Variants in TMTC1 observed in about 807,000 individuals in gnomAD.
TMTC1 encodes transmembrane O-mannosyltransferase targeting cadherins 1, also known as protein O-mannosyl-transferase TMTC1.
In TMTC1, 73 loss-of-function variants were observed where a neutral mutation model predicts 104.8. The observed-to-expected ratio is 0.70, with a 90% CI of 0.58 to 0.85. TMTC1 has a LOEUF of 0.85. Among genes scored for constraint, TMTC1 ranks in the 40% least tolerant of loss-of-function variants. TMTC1 has a pLI of 0.00. For missense variants in TMTC1, 1,035 were observed against 1,096.1 expected, an observed-to-expected ratio of 0.94 and a Z score of 0.79; for synonymous variants, 434 against 428.7, an observed-to-expected ratio of 1.01 and a Z score of -0.15.
intron 17 of TMTC1, among the ~76,000 whole-genome samples, chr12:29,511,830 T>G (rs1343387644): frequency 6.6e-6 from 1 of 152,212 alleles, no homozygotes; most frequent in Admixed American, 6.5e-5. Context: ...TTATACAGAT[T>G]TATTTTTAAA....
intron 5 of TMTC1, chr12:29,660,743 G>C (rs1939979199): frequency 2.3e-5 from 13 of 560,592 alleles, no homozygotes; most frequent in Admixed American, 8.8e-5. Context: ...AGCTGAGATA[G>C]AGTGGAAACA....
chr12:29,590,370 C>T (rs992813642), intron 7 of TMTC1, among the ~76,000 whole-genome samples: 3 of 152,180 alleles, frequency 2.0e-5, no homozygotes, highest in Non-Finnish European at 4.4e-5. Flanking sequence ...GACACTATAA[C>T]CCACACCCTG....
intron 7 of TMTC1, among the ~76,000 whole-genome samples, chr12:29,603,913 C>T (rs1232771524): frequency 6.6e-6 from 1 of 152,178 alleles, no homozygotes; most frequent in Non-Finnish European, 1.5e-5. Flanking sequence ...ATGATTACTA[C>T]TAAAATCCTG....
intron 5 of TMTC1, among the ~76,000 whole-genome samples, chr12:29,669,063 C>A (rs1940402116): frequency 6.6e-6 from 1 of 152,090 alleles, no homozygotes; most frequent in Admixed American, 6.5e-5. Context: ...GCCTGTCCCA[C>A]AGAGAGAAGC....
chr12:29,777,539 C>T (rs1376775171), intron 1 of TMTC1, among the ~76,000 whole-genome samples: 2 of 152,098 alleles, frequency 1.3e-5, no homozygotes, highest in African/African-American at 2.4e-5. Flanking sequence ...TTCAGGGACT[C>T]ACCTATAAAA....
intron 5 of TMTC1, among the ~76,000 whole-genome samples, chr12:29,646,775 A>G (rs896580166): frequency 3.9e-5 from 6 of 152,194 alleles, no homozygotes; most frequent in South Asian, 2.1e-4. Context: ...TCCCCGGCAG[A>G]GAACTCTTCA....
chr12:29,534,381 C>A (rs1173644936), intron 11 of TMTC1: 1 of 152,212 alleles, frequency 6.6e-6, no homozygotes, highest in African/African-American at 2.4e-5. Context: ...TATCTCACAT[C>A]ATTTTACATT....
chr12:29,644,218 T>G (rs577676732), intron 5 of TMTC1, among the ~76,000 whole-genome samples: 1 of 147,786 alleles, frequency 6.8e-6, no homozygotes, highest in Non-Finnish European at 1.5e-5. Flanking sequence ...TGCAGTGACC[T>G]GGATGGGACT....
At chr12:29,735,040 C>T (rs758144936) in intron 5 of TMTC1, among the ~76,000 whole-genome samples, 10 of 152,156 alleles carry the variant, frequency 6.6e-5, no homozygotes, top group Admixed American at 6.5e-5. Context: ...ATATGCCAAC[C>T]GTGTTCACAT....
chr12:29,573,537 C>A (rs1310682241), intron 8 of TMTC1, among the ~76,000 whole-genome samples: 1 of 152,152 alleles, frequency 6.6e-6, no homozygotes. Flanking sequence ...TACAAGATGA[C>A]ATGTAACAAT....
In TMTC1 at chr12:29,598,043, A is replaced by G. The variant is rs144698186; in HGVS notation, c.1250+6135T>C. On this transcript the variant is annotated intron_variant, in intron 7 of 17. Coordinates refer to ENST00000539277, the MANE Select transcript of TMTC1 (RefSeq NM_001193451.2). Reference sequence around the variant, plus strand: ...ATTTGGGAACTACAGAGCAAGGCCAACATTCTGGTTTTACAAACAGAGAAA... The same window carrying G: ...ATTTGGGAACTACAGAGCAAGGCCAGCATTCTGGTTTTACAAACAGAGAAA... Among the ~76,000 whole-genome samples, 287 of 152,334 alleles carry G rather than the reference A, an allele frequency of 1.9e-3. 1 individual carries two copies. The highest frequency in any genetic ancestry group is 1.5e-3 in the Non-Finnish European group (101 of 68,030).
chr12:29,640,223 A>G (rs1938768955), intron 5 of TMTC1, among the ~76,000 whole-genome samples: 1 of 152,196 alleles, frequency 6.6e-6, no homozygotes, highest in South Asian at 2.1e-4. Context: ...TGAATGGTCC[A>G]ATTAACCGAG....
rs1241956781 is a variant in TMTC1, at chr12:29,676,246, TAATTTAA to T, written c.939-42917_939-42911del. ...TAATTTTTAAATATTGGTTAGGACT[TAATTTAA>T]AAGTTTGTGAGTTTTCCTATTTTAT... On this transcript the variant is annotated intron_variant, in intron 5 of 17. Transcript: ENST00000539277. Among the ~76,000 whole-genome samples, 34 of 152,354 alleles carry T rather than the reference TAATTTAA, an allele frequency of 2.2e-4. No homozygotes were observed. In the East Asian group the frequency reaches 4.8e-3, roughly 22 times the overall value.
intron 11 of TMTC1, chr12:29,532,461 T>G (rs563213140): frequency 6.6e-6 from 1 of 152,302 alleles, no homozygotes; most frequent in South Asian, 2.1e-4. Flanking sequence ...GTCCCAGCAT[T>G]TGAAATATTA....
intron 6 of TMTC1, among the ~76,000 whole-genome samples, chr12:29,627,952 T>A (rs1031547240): frequency 6.6e-6 from 1 of 152,204 alleles, no homozygotes; most frequent in African/African-American, 2.4e-5. Flanking sequence ...AGCTTCCTTA[T>A]CCTCAAGGAT....
At chr12:29,643,340 C>T (rs991396763) in intron 5 of TMTC1, among the ~76,000 whole-genome samples, 1 of 144,512 alleles carries the variant, frequency 6.9e-6, no homozygotes, top group African/African-American at 2.7e-5. Context: ...GATACTTGCA[C>T]ATGCATGTTT....
chr12:29,767,045 G>A lies in TMTC1; in HGVS notation c.480+853C>T, dbSNP rs534468288. Among the ~76,000 whole-genome samples, 11 of 151,914 alleles carry A rather than the reference G, an allele frequency of 7.2e-5. No homozygotes were observed. In the South Asian group the frequency reaches 2.3e-3, roughly 32 times the overall value. Reference sequence around the variant, plus strand: ...GCTCACTGCAACCTCCACCTCCTGGGTTCAAGTGATTCTCCTGCCTCAGCC... The same window carrying A: ...GCTCACTGCAACCTCCACCTCCTGGATTCAAGTGATTCTCCTGCCTCAGCC... On this transcript the variant is annotated intron_variant, in intron 2 of 17. Transcript: ENST00000539277.
Position 29,518,496 on chromosome 12 carries a change from C to A in TMTC1, c.2000G>T (p.Ser667Ile), listed in dbSNP as rs745971615. 8.1e-6 allele frequency: 13 copies of A among 1,614,076 alleles called. No homozygotes were observed. In the South Asian group the frequency reaches 1.3e-4, roughly 16 times the overall value. ...CCGCTTGTACCATTCTTCAGCCATG[C>A]TGTTCTCTCCCAGTGACCTGTAGAG... ...GRLYRSLGEN[S>I]MAEEWYKRAL... is the part of the protein sequence containing the mutation. Residue 667 changes from serine to isoleucine, a missense_variant, in exon 13 of 18, where the codon AGC becomes ATC. Transcript: ENST00000539277.
chr12:29,613,986 TA>T (rs1946913056), intron 6 of TMTC1: 3 of 936,018 alleles, frequency 3.2e-6, no homozygotes, highest in Non-Finnish European at 3.8e-6. Flanking sequence ...CTAAAATTAA[TA>T]AGGAGAAAGA....
Sources: allele counts gnomAD v4.1 joint callset (sites outside exome capture counted in the v4.1 genomes callset), GRCh38; gene constraint gnomAD v4.1.1; transcripts MANE v1.5; gene names NCBI Gene and HGNC (gene_info 2026-07-23, HGNC 2026-07-21).